The following TTC7A variants were observed in gnomAD, a reference collection of about 807,000 sequenced individuals.
The protein encoded by TTC7A is tetratricopeptide repeat domain 7A.
A neutral mutation model predicts 103.7 loss-of-function variants in TTC7A; 110 were observed. That is an observed-to-expected ratio of 1.06 (90% CI 0.91 to 1.24). The LOEUF (loss-of-function observed/expected upper bound fraction) is 1.24. Ranked by LOEUF, TTC7A falls within the 50% of genes most tolerant of loss-of-function variation. The probability of loss-of-function intolerance (pLI) is 0.00; values close to 1 mark genes in which losing one functional copy is unlikely to be tolerated. For synonymous variants in TTC7A, 521 were observed against 467.9 expected (o/e 1.11, Z -1.47); for missense variants, 1,340 against 1,116.3 (o/e 1.20, Z -2.86).
intron 18 of TTC7A, among the ~76,000 whole-genome samples, chr2:47,054,835 C>CAAAA (rs71399005): frequency 0.024 from 2,744 of 115,608 alleles, 66 homozygotes; most frequent in African/African-American, 0.051. Flanking sequence ...GACCCTGTCT[C>CAAAA]AAAAAAAAAA....
At chr2:46,926,458 G>A (rs570677261) in intron 2 of TTC7A, among the ~76,000 whole-genome samples, 7 of 152,164 alleles carry the variant, frequency 4.6e-5, no homozygotes, top group Non-Finnish European at 5.9e-5. Flanking sequence ...TTAAGCCTAT[G>A]GTGAGGATAG....
chr2:47,027,252 G>A (rs1680016820), intron 14 of TTC7A, among the ~76,000 whole-genome samples: 1 of 152,216 alleles, frequency 6.6e-6, no homozygotes, highest in African/African-American at 2.4e-5. Context: ...TCAGGGATGA[G>A]GAGGAGAAGG....
At chr2:47,019,323 A>G (rs546945102) in intron 11 of TTC7A, among the ~76,000 whole-genome samples, 1 of 152,190 alleles carries the variant, frequency 6.6e-6, no homozygotes, top group East Asian at 1.9e-4. Context: ...GCTTGAGCCC[A>G]GGAGTTCGAG....
intron 3 of TTC7A, chr2:46,958,551 A>T (rs1558508889): frequency 7.7e-7 from 1 of 1,302,810 alleles, no homozygotes; most frequent in East Asian, 5.6e-5. Context: ...CCTGCAGGGG[A>T]GGTAAGGAGA....
rs775770644 is a variant in TTC7A, at chr2:46,956,794, G to C, written c.349-45G>C. 66 of 1,608,782 alleles carry C rather than the reference G, an allele frequency of 4.1e-5. No homozygotes were observed. The South Asian group carries it at 7.1e-4, about 17-fold the overall frequency. ...GGTTCAGTGGGGGTGTTCACCCCAA[G>C]GTAACTTTGGGGCAGGCGCTGGTAA... On this transcript the variant is annotated intron_variant, in intron 2 of 19. Coordinates refer to ENST00000319190, the MANE Select transcript of TTC7A (RefSeq NM_020458.4).
chr2:47,046,752 A>G (rs1682366948), intron 16 of TTC7A: 1 of 316,592 alleles, frequency 3.2e-6, no homozygotes, highest in African/African-American at 2.2e-5. Flanking sequence ...TAGCTTATGC[A>G]TTATCAGATT....
chr2:47,042,434 C>T (rs906850957), intron 15 of TTC7A, among the ~76,000 whole-genome samples: 38 of 151,932 alleles, frequency 2.5e-4, no homozygotes, highest in African/African-American at 8.2e-4. Context: ...CCCAGGAGAT[C>T]GAGGCTGCAA....
chr2:47,023,555 A>G, intron 13 of TTC7A, 90 bp downstream of exon 13: 1 of 1,328,356 alleles, frequency 7.5e-7, no homozygotes, highest in East Asian at 2.3e-5. Context: ...TGATGTGGGC[A>G]GAACAAACAT....
chr2:46,954,476 A>G (rs1671673580), intron 2 of TTC7A, among the ~76,000 whole-genome samples: 1 of 152,098 alleles, frequency 6.6e-6, no homozygotes, highest in Admixed American at 6.5e-5. Flanking sequence ...TAGCAGCAAA[A>G]TGATACCATC....
intron 11 of TTC7A, among the ~76,000 whole-genome samples, chr2:47,011,906 C>T (rs1228179975): frequency 1.3e-5 from 2 of 152,256 alleles, no homozygotes; most frequent in African/African-American, 4.8e-5. Context: ...CTCCAGCCCT[C>T]CAGGGCCCTG....
intron 3 of TTC7A, among the ~76,000 whole-genome samples, chr2:46,970,258 G>A (rs1673241371): frequency 6.6e-6 from 1 of 152,216 alleles, no homozygotes; most frequent in African/African-American, 2.4e-5. Context: ...AGTGTGCTGG[G>A]ATTACAGGTG....
intron 11 of TTC7A, among the ~76,000 whole-genome samples, chr2:47,019,532 G>C (rs61430050): frequency 0.023 from 3,443 of 152,306 alleles, 121 homozygotes; most frequent in African/African-American, 0.077. Flanking sequence ...TGGACAAGGA[G>C]TGCTACTAAT....
intron 7 of TTC7A, 63 bp downstream of exon 7, chr2:46,994,577 A>G: frequency 6.5e-7 from 1 of 1,544,934 alleles, no homozygotes; most frequent in Non-Finnish European, 8.8e-7. Flanking sequence ...TTCTGTCCCC[A>G]CTGGTGGCTT....
intron 11 of TTC7A, among the ~76,000 whole-genome samples, chr2:47,014,644 A>T (rs553159717): frequency 1.1e-4 from 17 of 152,330 alleles, no homozygotes; most frequent in Middle Eastern, 6.8e-3. Context: ...GACAGGGCAC[A>T]GATCCCAAAA....
rs762856961 is a variant in TTC7A at position 46,942,766 on chromosome 2, A to G, written c.184+1041A>G. Among the ~76,000 whole-genome samples, 26 of 152,162 alleles carry G rather than the reference A, an allele frequency of 1.7e-4. 1 individual carries two copies. The highest frequency in any genetic ancestry group is 1.4e-3 in the Admixed American group (22 of 15,278). ...GTACATCCTTTAAATCACTTGCACT[A>G]TTACCTCTCAAAGATGTACAGCACA... is the stretch of plus-strand genomic sequence containing the variant. On this transcript the variant is annotated intron_variant, in intron 1 of 19. Transcript: ENST00000319190.
At chr2:46,955,856 T>A (rs1439402163) in intron 2 of TTC7A, among the ~76,000 whole-genome samples, 2 of 152,172 alleles carry the variant, frequency 1.3e-5, no homozygotes, top group African/African-American at 4.8e-5. Flanking sequence ...CGGGGAGTTT[T>A]ATGGACAGAT....
intron 16 of TTC7A, chr2:47,047,428 G>A (rs1229360449): frequency 3.8e-6 from 3 of 799,124 alleles, no homozygotes; most frequent in Non-Finnish European, 4.0e-6. Flanking sequence ...GTGGGCGGAA[G>A]CTGCCAGAAG....
intron 1 of TTC7A, chr2:46,916,654 T>A (rs1043502903): frequency 6.3e-6 from 1 of 157,716 alleles, no homozygotes; most frequent in Non-Finnish European, 1.4e-5. Context: ...TGTTTTGTTT[T>A]GAGACGGAGT....
Position 46,957,027 on chromosome 2 carries a change from T to A in TTC7A, c.517+20T>A, listed in dbSNP as rs1478188498. ...TCAAAGGTAGCTGTGGGCACCAGCC[T>A]GGGCTCCCCTCCACTGTGTGCAGCT... is the stretch of plus-strand genomic sequence containing the variant. On this transcript the variant is annotated intron_variant, in intron 3 of 19. Coordinates refer to ENST00000319190, the MANE Select transcript of TTC7A (RefSeq NM_020458.4). The A allele has an allele frequency of 6.2e-7, 1 of 1,613,998 alleles. No individual in the cohort carries two copies. Among genetic ancestry groups the A allele is most frequent in the Admixed American group, 1.7e-5 (1 of 60,020 alleles).
Sources: gnomAD v4.1 joint callset for allele counts (sites outside exome capture counted in the v4.1 genomes callset) on GRCh38, gnomAD v4.1.1 for gene constraint, MANE v1.5 for transcripts, NCBI Gene and HGNC (gene_info 2026-07-23, HGNC 2026-07-21) for gene names.